GSG1: variants seen among roughly 807,000 people sequenced by gnomAD.
GSG1 encodes germ cell associated 1, also known as germ cell-specific gene 1 protein.
Under a neutral mutation model 30.8 loss-of-function variants are expected in GSG1, and 28 were observed. That is an observed-to-expected ratio of 0.91 (90% CI 0.67 to 1.25). GSG1 has a LOEUF of 1.25. Ranked by LOEUF, GSG1 falls within the 50% of genes most tolerant of loss-of-function variation. The probability of loss-of-function intolerance (pLI) is 0.00; values close to 1 mark genes in which losing one functional copy is unlikely to be tolerated. For missense variants in GSG1, 435 were observed against 444.7 expected, an observed-to-expected ratio of 0.98 and a Z score of 0.20; for synonymous variants, 162 against 178.0, an observed-to-expected ratio of 0.91 and a Z score of 0.71.
intron 4 of GSG1, 149 bp from the exon 5 acceptor site, chr12:13,088,208 T>G: frequency 1.2e-6 from 1 of 812,806 alleles, no homozygotes; most frequent in South Asian, 1.8e-5. Flanking sequence ...GGAGGAACAT[T>G]ACTTCATTTC....
chr12:13,102,568 A>G (rs1863293240), intron 1 of GSG1, among the ~76,000 whole-genome samples: 1 of 152,224 alleles, frequency 6.6e-6, no homozygotes, highest in Non-Finnish European at 1.5e-5. Flanking sequence ...CCACCAGCTC[A>G]GCTCTGCAGT....
rs1863243750 is a variant in GSG1 at position 13,101,945 on chromosome 12, G to A, written c.48+1520C>T. Among the ~76,000 whole-genome samples, 1 of 152,162 alleles carries A rather than the reference G, an allele frequency of 6.6e-6. No homozygotes were observed. The highest frequency in any genetic ancestry group is 2.4e-5 in the African/African-American group (1 of 41,440). ...AATTTACCCTCAGGGGTAAATGAGG[G>A]CAAAGAGTTGTCCTTCTTAGTTCTG... is the stretch of plus-strand genomic sequence containing the variant. On this transcript the variant is annotated intron_variant, in intron 1 of 6. Coordinates refer to ENST00000651961, the MANE Select transcript of GSG1 (RefSeq NM_001080555.4). This position sits in a 1 kb window ranked among gnomAD's most constrained non-coding sequence, Gnocchi z 5.8.
chr12:13,088,125 C>A, intron 4 of GSG1, 66 bp from the exon 5 acceptor site: 1 of 1,572,022 alleles, frequency 6.4e-7, no homozygotes, highest in African/African-American at 1.3e-5. Context: ...AAGCGGTGAG[C>A]ATAGGATGCC....
rs573294576 is a variant in GSG1, at chr12:13,095,793, G to A, written c.49-4975C>T. On this transcript the variant is annotated intron_variant, in intron 1 of 6. Transcript: ENST00000651961. ...TAAATGCTGCCTTACAGGGAACACGGGCATTTAATAATTGACAAGGCAATC... is the reference window on the plus strand; with the variant it reads ...TAAATGCTGCCTTACAGGGAACACGAGCATTTAATAATTGACAAGGCAATC... 4.1e-5 allele frequency: 61 copies of A among 1,494,336 alleles called. No homozygotes were observed. The African/African-American group carries it at 7.9e-4, about 19-fold the overall frequency. 92.6% of individuals were successfully genotyped at this position (1,494,336 alleles called of 1,614,324 possible).
intron 3 of GSG1, 83 bp downstream of exon 3, chr12:13,089,125 T>G: frequency 7.2e-7 from 1 of 1,397,736 alleles, no homozygotes; most frequent in Non-Finnish European, 9.8e-7. Context: ...ATGCAGAAGA[T>G]GTTTCCATGA....
At chr12:13,102,085 A>AC (rs1256233691) in intron 1 of GSG1, among the ~76,000 whole-genome samples, 2 of 152,158 alleles carry the variant, frequency 1.3e-5, no homozygotes, top group African/African-American at 4.8e-5. Flanking sequence ...CTTAATCCTC[A>AC]CAACCAGCCT....
intron 6 of GSG1, 132 bp downstream of exon 6, chr12:13,087,020 T>G (rs1345439916): frequency 3.2e-6 from 2 of 631,964 alleles, no homozygotes; most frequent in Non-Finnish European, 5.8e-6. Context: ...TGCAGCCCTG[T>G]GTGGTTGACA....
At chr12:13,097,644 T>C (rs1488428019) in intron 1 of GSG1, among the ~76,000 whole-genome samples, 1 of 152,234 alleles carries the variant, frequency 6.6e-6, no homozygotes, top group East Asian at 1.9e-4. Context: ...CTTTGGAAGT[T>C]TGGAAAATAT....
intron 1 of GSG1, among the ~76,000 whole-genome samples, chr12:13,099,750 GTTTTTTT>G (rs57762367): frequency 6.1e-5 from 7 of 114,834 alleles, no homozygotes; most frequent in African/African-American, 1.6e-4. Context: ...GTTTTTTTTT[GTTTTTTT>G]TTTTTTTTTT....
chr12:13,099,071 G>T (rs1487159852), intron 1 of GSG1, among the ~76,000 whole-genome samples: 1 of 152,154 alleles, frequency 6.6e-6, no homozygotes, highest in Non-Finnish European at 1.5e-5. Context: ...TGCATTTTGT[G>T]TGTGTACTTG....
intron 6 of GSG1, 144 bp from the exon 7 acceptor site, chr12:13,085,387 G>A (rs1865424582): frequency 2.8e-6 from 2 of 712,560 alleles, no homozygotes; most frequent in South Asian, 4.3e-5. Context: ...GTAAAGAACT[G>A]TGGGAAGAGA....
intron 6 of GSG1, among the ~76,000 whole-genome samples, chr12:13,085,985 C>T (rs1034507112): frequency 2.9e-4 from 44 of 152,280 alleles, no homozygotes; most frequent in Admixed American, 8.5e-4. Flanking sequence ...AAACACATTC[C>T]TGAAAACTTG....
intron 1 of GSG1, among the ~76,000 whole-genome samples, chr12:13,097,669 C>T (rs927355167): frequency 6.6e-6 from 1 of 152,126 alleles, no homozygotes; most frequent in African/African-American, 2.4e-5. Context: ...ATTCCTGGAC[C>T]CACCCTGAGA....
intron 1 of GSG1, among the ~76,000 whole-genome samples, 178 bp from the exon 2 acceptor site, chr12:13,090,996 C>T (rs1866074622): frequency 6.6e-6 from 1 of 152,210 alleles, no homozygotes; most frequent in Non-Finnish European, 1.5e-5. Flanking sequence ...AGCCCCGCTT[C>T]AGGAGTGGTC....
chr12:13,095,658 T>C (rs779328218), intron 1 of GSG1: 1 of 1,613,958 alleles, frequency 6.2e-7, no homozygotes, highest in African/African-American at 1.3e-5. Context: ...CCATCTGCAC[T>C]CCAAGTCCCT....
chr12:13,097,232 T>G (rs1258081188), intron 1 of GSG1, among the ~76,000 whole-genome samples: 1 of 152,184 alleles, frequency 6.6e-6, no homozygotes, highest in Non-Finnish European at 1.5e-5. Context: ...GCCTTCAATC[T>G]CTTTTTACCT....
At position 13,089,817 on chromosome 12, in the gene GSG1, G is replaced by A. The variant is rs564983775; in HGVS notation, c.365-541C>T. 9.8e-5 allele frequency among the ~76,000 whole-genome samples: 15 copies of A among 152,302 alleles called. No homozygotes were observed. In the South Asian group the frequency reaches 1.4e-3, roughly 15 times the overall value. On this transcript the variant is annotated intron_variant, in intron 2 of 6. Transcript: ENST00000651961. ...TGTAATCTCAGCACTTTGGGAGGCC[G>A]AGGTGGGCAGATCACCTGAGGTCGG... is the stretch of plus-strand genomic sequence containing the variant.
chr12:13,094,813 C>G (rs924893687), intron 1 of GSG1, among the ~76,000 whole-genome samples: 2 of 152,194 alleles, frequency 1.3e-5, no homozygotes, highest in Non-Finnish European at 2.9e-5. Flanking sequence ...TAACCCCACA[C>G]TCAATCCATT....
In GSG1 at chr12:13,084,218, G is replaced by A. The variant is rs891889894; in HGVS notation, c.*683C>T. On this transcript the variant is annotated 3_prime_UTR_variant, in exon 7 of 7. Coordinates refer to ENST00000651961, the MANE Select transcript of GSG1 (RefSeq NM_001080555.4). The stretch of plus-strand genomic sequence containing the variant: ...CCTTGTTCACTGGGAAGTCCCTGGT[G>A]TGACTGTCCAGAAGGGAACCACAGT... 3.9e-5 allele frequency: 6 copies of A among 152,214 alleles called. No individual in the cohort carries two copies. Among genetic ancestry groups the A allele is most frequent in the African/African-American group, 1.4e-4 (6 of 41,446 alleles). 9.4% of individuals were successfully genotyped at this position (152,214 alleles called of 1,614,324 possible).
Sources: gnomAD v4.1 joint callset for allele counts (sites outside exome capture counted in the v4.1 genomes callset) on GRCh38, gnomAD v4.1.1 for gene constraint, Gnocchi (gnomAD v3.1) non-coding constraint, MANE v1.5 for transcripts, NCBI Gene and HGNC (gene_info 2026-07-23, HGNC 2026-07-21) for gene names.